Variants in MEIS2 observed in about 807,000 individuals in gnomAD.
The protein encoded by MEIS2 is homeobox protein Meis2.
Under a neutral mutation model 58.6 loss-of-function variants are expected in MEIS2, and 9 were observed. That is an observed-to-expected ratio of 0.15 (90% CI 0.09 to 0.27). The LOEUF (loss-of-function observed/expected upper bound fraction) is 0.27. Among genes scored for constraint, MEIS2 ranks in the 10% least tolerant of loss-of-function variants. MEIS2 has a pLI of 1.00. For synonymous variants in MEIS2, 221 were observed against 228.4 expected (o/e 0.97, Z 0.29); for missense variants, 427 against 635.0 (o/e 0.67, Z 3.52).
intron 8 of MEIS2, among the ~76,000 whole-genome samples, chr15:36,965,308 T>G (rs2059317723): frequency 6.6e-6 from 1 of 152,178 alleles, no homozygotes; most frequent in Non-Finnish European, 1.5e-5. Context: ...GCAAGCAAGG[T>G]CAACTTACAG....
intron 8 of MEIS2, among the ~76,000 whole-genome samples, chr15:36,978,713 G>A (rs577200152): frequency 3.3e-5 from 5 of 152,080 alleles, no homozygotes; most frequent in African/African-American, 7.2e-5. Flanking sequence ...CAAAAAAATC[G>A]GCTCATACTG....
intron 9 of MEIS2, among the ~76,000 whole-genome samples, chr15:36,901,856 T>G (rs2056490439): frequency 1.3e-5 from 2 of 152,178 alleles, no homozygotes. Context: ...AATTCTTCCC[T>G]AAAGTTACAA....
At chr15:36,925,364 C>T (rs1359842556) in intron 9 of MEIS2, among the ~76,000 whole-genome samples, 1 of 152,138 alleles carries the variant, frequency 6.6e-6, no homozygotes, top group South Asian at 2.1e-4. Context: ...TGGAGGGGCG[C>T]ACCCTGTGAA....
In MEIS2 at chr15:37,025,306, G is replaced by A. The variant is rs77150165; in HGVS notation, c.900+11508C>T. On this transcript the variant is annotated intron_variant, in intron 8 of 11. Coordinates refer to ENST00000561208, the MANE Select transcript of MEIS2 (RefSeq NM_170675.5). ...CCTCAAAACAATGAGGTAAGAAAAC[G>A]AGCACTCAGATAAATTAAATAACTT... Among the ~76,000 whole-genome samples the A allele has an allele frequency of 8.7e-3, 1,317 of 152,236 alleles. 16 individuals are homozygous for A. Among genetic ancestry groups the A allele is most frequent in the African/African-American group, 0.03 (1,240 of 41,536 alleles).
At chr15:36,956,887 TAAA>T (rs61478606) in intron 8 of MEIS2, among the ~76,000 whole-genome samples, 5 of 111,972 alleles carry the variant, frequency 4.5e-5, no homozygotes, top group Admixed American at 9.5e-5. Flanking sequence ...AAATGATTGT[TAAA>T]AAAAAAAAAA....
intron 7 of MEIS2, among the ~76,000 whole-genome samples, chr15:37,059,940 C>CT (rs1888977062): frequency 6.6e-6 from 1 of 150,846 alleles, no homozygotes; most frequent in Non-Finnish European, 1.5e-5. Flanking sequence ...AAAAAAAATT[C>CT]TTTTTTTAGA....
intron 8 of MEIS2, among the ~76,000 whole-genome samples, chr15:37,029,750 G>A (rs186745584): frequency 1.3e-5 from 2 of 152,318 alleles, no homozygotes; most frequent in Admixed American, 1.3e-4. Flanking sequence ...AACCCAATCA[G>A]CTAAATAGGG....
intron 9 of MEIS2, among the ~76,000 whole-genome samples, chr15:36,930,995 T>G (rs558884139): frequency 6.6e-6 from 1 of 152,318 alleles, no homozygotes; most frequent in African/African-American, 2.4e-5. Flanking sequence ...GTAAGTGGTT[T>G]CCTTCACACT....
chr15:37,089,368 T>C (rs1893262802), intron 6 of MEIS2, among the ~76,000 whole-genome samples: 1 of 152,060 alleles, frequency 6.6e-6, no homozygotes, highest in Admixed American at 6.6e-5. Context: ...AGTAATTGAA[T>C]TTATCTAGAG....
chr15:36,920,984 AAAAAAC>A (rs376969986), intron 9 of MEIS2, among the ~76,000 whole-genome samples: 38 of 152,228 alleles, frequency 2.5e-4, no homozygotes, highest in Middle Eastern at 3.4e-3. Flanking sequence ...AAGGGCCAGG[AAAAAAC>A]AAAAACAAAA....
chr15:36,978,941 AG>A (rs1364168531), intron 8 of MEIS2, among the ~76,000 whole-genome samples: 2 of 152,208 alleles, frequency 1.3e-5, no homozygotes, highest in East Asian at 3.8e-4. Context: ...TTTGTTTATT[AG>A]ATCATTAACT....
intron 8 of MEIS2, among the ~76,000 whole-genome samples, chr15:36,981,976 A>C (rs185824075): frequency 6.6e-6 from 1 of 152,202 alleles, no homozygotes; most frequent in African/African-American, 2.4e-5. Context: ...CAGGCCTTAC[A>C]TGTTGAACTG....
intron 9 of MEIS2, among the ~76,000 whole-genome samples, chr15:36,923,962 A>G (rs2057632534): frequency 6.6e-6 from 1 of 152,226 alleles, no homozygotes. Context: ...TTCAATTACT[A>G]AAAAATGGGA....
chr15:37,010,044 C>T (rs2061077616), intron 8 of MEIS2, among the ~76,000 whole-genome samples: 1 of 152,134 alleles, frequency 6.6e-6, no homozygotes, highest in Non-Finnish European at 1.5e-5. Context: ...ATGCTTTTCA[C>T]AGCCTGAAAA....
At chr15:36,922,334 C>T (rs1453750662) in intron 9 of MEIS2, among the ~76,000 whole-genome samples, 10 of 152,052 alleles carry the variant, frequency 6.6e-5, no homozygotes, top group Admixed American at 6.6e-4. Context: ...TATAAAAGTG[C>T]CCCGAAAACT....
chr15:36,892,337 G>A lies in MEIS2; in HGVS notation c.1270C>T (p.Pro424Ser), dbSNP rs1358602257. 3 of 1,613,736 alleles carry A rather than the reference G, an allele frequency of 1.9e-6. No homozygotes were observed. Among genetic ancestry groups the A allele is most frequent in the African/African-American group, 1.3e-5 (1 of 74,842 alleles). Residue 424 changes from proline to serine, a missense_variant, in exon 12 of 12, where the codon CCA (proline) becomes TCA (serine). Pro to Ser is a moderately conservative substitution (Grantham distance 74, BLOSUM62 -1). This residue lies in a region of MEIS2 where 154 missense variants were observed against 148.1 expected (regional missense o/e 1.04). Transcript: ENST00000561208. ...TGGCTTGGCAAATATGAATGCATTGGGGGTCCATGTCTTAATTGAGTAGGG... is the reference window on the plus strand; with the variant it reads ...TGGCTTGGCAAATATGAATGCATTGAGGGTCCATGTCTTAATTGAGTAGGG... The part of the protein sequence containing the change: ...PHPTQLRHGP[P>S]MHSYLPSHPH...
intron 7 of MEIS2, among the ~76,000 whole-genome samples, chr15:37,037,874 A>G (rs2062229771): frequency 6.6e-6 from 1 of 152,230 alleles, no homozygotes; most frequent in Non-Finnish European, 1.5e-5. Flanking sequence ...TATTTGAACT[A>G]ATAACTTTAA....
chr15:36,960,340 G>A (rs2059139581), intron 8 of MEIS2, among the ~76,000 whole-genome samples: 1 of 151,958 alleles, frequency 6.6e-6, no homozygotes, highest in South Asian at 2.1e-4. Context: ...TGGGATAACA[G>A]AATGGGGTTA....
At chr15:37,036,787 T>G (rs769324945) in intron 8 of MEIS2, 27 bp downstream of exon 8, 1 of 1,602,408 alleles carries the variant, frequency 6.2e-7, no homozygotes, top group South Asian at 1.1e-5. Context: ...AAAAACTATT[T>G]TTTTTTTCTC....
Sources: allele counts gnomAD v4.1 joint callset (sites outside exome capture counted in the v4.1 genomes callset), GRCh38; gene constraint gnomAD v4.1.1; regional missense constraint gnomAD v4.1.1; transcripts MANE v1.5; gene names NCBI Gene and HGNC (gene_info 2026-07-23, HGNC 2026-07-21).